FRAS1: variants seen among roughly 807,000 people sequenced by gnomAD.
The protein encoded by FRAS1 is extracellular matrix organizing protein FRAS1.
FRAS1 carries 290 observed loss-of-function variants against 435.2 expected under a neutral mutation model. The ratio of observed to expected loss-of-function variants is 0.67; its 90% confidence interval spans 0.61 to 0.73. The LOEUF (loss-of-function observed/expected upper bound fraction) is 0.73, where lower values mean the gene tolerates loss of function less well. Among genes scored for constraint, FRAS1 ranks in the 30% least tolerant of loss-of-function variants. FRAS1 has a pLI of 0.00. For synonymous variants in FRAS1, 1,800 were observed against 1,851.0 expected, an observed-to-expected ratio of 0.97 and a Z score of 0.71; for missense variants, 4,860 against 5,001.5, an observed-to-expected ratio of 0.97 and a Z score of 0.85.
intron 1 of FRAS1, among the ~76,000 whole-genome samples, chr4:78,058,672 G>C (rs1739592147): frequency 1.3e-5 from 2 of 152,118 alleles, no homozygotes; most frequent in South Asian, 4.1e-4. Flanking sequence ...CTGCTTCCCA[G>C]AACAAAAGTG....
At position 78,255,298 on chromosome 4, in the gene FRAS1, C is replaced by T. The variant is rs755497557; in HGVS notation, c.526C>T (p.Arg176Trp). The T allele has an allele frequency of 2.8e-5, 43 of 1,560,518 alleles. No individual in the cohort carries two copies. The highest frequency in any genetic ancestry group is 3.1e-5 in the Non-Finnish European group (36 of 1,151,648). ...GGATGGGGAGGACTGGCGGCTGAGC[C>T]GGTGTGCCAAATGTCTGTGTAGAAA... ...FQDGEDWRLS[R>W]CAKCLCRNGV... The change falls in exon 6 of 74, where the codon CGG becomes TGG. Residue 176 changes from arginine (R) to tryptophan (W), a missense_variant. Transcript: ENST00000512123.
At chr4:78,493,839 G>A (rs757729656) in intron 59 of FRAS1, among the ~76,000 whole-genome samples, 15 of 151,858 alleles carry the variant, frequency 9.9e-5, no homozygotes, top group African/African-American at 1.4e-4. Flanking sequence ...CACTAAACAT[G>A]GCTGCACCAG....
chr4:78,098,194 T>C (rs139079628), intron 2 of FRAS1, among the ~76,000 whole-genome samples: 15 of 152,190 alleles, frequency 9.9e-5, no homozygotes, highest in African/African-American at 3.6e-4. Flanking sequence ...TTTCCCCATG[T>C]CTCTCCTCCC....
At chr4:78,337,138 T>C (rs2110264973) in intron 19 of FRAS1, among the ~76,000 whole-genome samples, 1 of 152,356 alleles carries the variant, frequency 6.6e-6, no homozygotes, top group Non-Finnish European at 1.5e-5. Context: ...TAATTAAGTA[T>C]TGCTGATAAA....
In FRAS1 at chr4:78,166,749, C is replaced by T. The variant is rs150779088; in HGVS notation, c.109-70761C>T. ...TCCTGTGCCATACCTCCCAGCCTCT[C>T]TTGTGGTTAGATGTATCATTTGACC... On this transcript the variant is annotated intron_variant, in intron 2 of 73. Transcript: ENST00000512123. Among the ~76,000 whole-genome samples, 21 of 152,274 alleles carry T rather than the reference C, an allele frequency of 1.4e-4. No homozygotes were observed. The East Asian group carries it at 4.1e-3, about 29-fold the overall frequency.
chr4:78,335,951 G>T (rs1730155992), intron 19 of FRAS1, among the ~76,000 whole-genome samples: 1 of 141,690 alleles, frequency 7.1e-6, no homozygotes, highest in African/African-American at 2.6e-5. Context: ...ATTCTATCAT[G>T]ATTTCTCTTT....
chr4:78,086,298 C>T (rs1741161761), intron 2 of FRAS1, among the ~76,000 whole-genome samples: 1 of 152,178 alleles, frequency 6.6e-6, no homozygotes, highest in Non-Finnish European at 1.5e-5. Context: ...AAATTTATAG[C>T]ACTGAATGCC....
Position 78,252,473 on chromosome 4 carries a change from C to T in FRAS1, c.391C>T (p.Pro131Ser). The change falls in exon 5 of 74, where the codon CCA (proline) becomes TCA (serine). Residue 131 changes from proline (P) to serine (S), a missense_variant. Transcript: ENST00000512123. The part of the protein sequence containing the change: ...GEVRCTPQPC[P>S]PLSCGHQELA... ...AGTCCGATGTACCCCCCAACCATGC[C>T]CACCGCTGTCATGTGGACACCAGGA... 6.2e-7 allele frequency: 1 copy of T among 1,613,798 alleles called. No homozygotes were observed. Among genetic ancestry groups the T allele is most frequent in the Non-Finnish European group, 8.5e-7 (1 of 1,179,822 alleles).
At position 78,541,205 on chromosome 4, in the gene FRAS1, G is replaced by A; in HGVS notation, c.*81G>A. On this transcript the variant is annotated 3_prime_UTR_variant, in exon 74 of 74. Transcript: ENST00000512123. ...ATACTGGTATTTTTATAATCTCGCAGATAAAAAAGGGAAAACTATAGCTTT... is the reference window on the plus strand; with the variant it reads ...ATACTGGTATTTTTATAATCTCGCAAATAAAAAAGGGAAAACTATAGCTTT... 1 of 857,898 alleles carries A rather than the reference G, an allele frequency of 1.2e-6. No homozygotes were observed. Among genetic ancestry groups the A allele is most frequent in the Middle Eastern group, 2.9e-4 (1 of 3,430 alleles). 53.1% of individuals were successfully genotyped at this position (857,898 alleles called of 1,614,324 possible). A position where few individuals can be genotyped will look rare whatever the true frequency, so the allele number is the denominator to read the frequency against.
At chr4:78,257,291 C>T (rs973396339) in intron 6 of FRAS1, among the ~76,000 whole-genome samples, 11 of 152,128 alleles carry the variant, frequency 7.2e-5, no homozygotes, top group African/African-American at 2.4e-4. Flanking sequence ...TAATGAGTTA[C>T]ACATTTATAT....
At chr4:78,176,452 T>C (rs1207987225) in intron 2 of FRAS1, among the ~76,000 whole-genome samples, 1 of 152,234 alleles carries the variant, frequency 6.6e-6, no homozygotes, top group Non-Finnish European at 1.5e-5. Flanking sequence ...ATCAACTCAC[T>C]GTTCCTTTCA....
At chr4:78,133,139 G>C (rs1017948421) in intron 2 of FRAS1, among the ~76,000 whole-genome samples, 1 of 152,156 alleles carries the variant, frequency 6.6e-6, no homozygotes, top group African/African-American at 2.4e-5. Context: ...CAGATGAATG[G>C]ATACATAAAA....
chr4:78,280,918 T>C (rs1727302758), intron 10 of FRAS1, among the ~76,000 whole-genome samples: 1 of 152,218 alleles, frequency 6.6e-6, no homozygotes, highest in African/African-American at 2.4e-5. Context: ...TTAGTCATCC[T>C]CATTTCTTAA....
intron 45 of FRAS1, among the ~76,000 whole-genome samples, chr4:78,451,269 A>G (rs566236928): frequency 7.2e-4 from 109 of 152,198 alleles, no homozygotes; most frequent in African/African-American, 2.5e-3. Context: ...GATCCTTTTG[A>G]GTTCTATGTG....
At chr4:78,363,739 A>G in intron 21 of FRAS1, 74 bp downstream of exon 21, 1 of 1,498,556 alleles carries the variant, frequency 6.7e-7, no homozygotes, top group Non-Finnish European at 9.1e-7. Flanking sequence ...GGAAGGATCA[A>G]CCTTTCCTAA....
chr4:78,135,454 C>G (rs1719881251), intron 2 of FRAS1, among the ~76,000 whole-genome samples: 1 of 152,170 alleles, frequency 6.6e-6, no homozygotes, highest in South Asian at 2.1e-4. Flanking sequence ...CAGTTACAAA[C>G]TGATCTGCAG....
Position 78,105,978 on chromosome 4 carries a change from AG to A in FRAS1, c.108+39966del, listed in dbSNP as rs1742404322. The stretch of plus-strand genomic sequence containing the variant: ...GGAGTTCCCTTTCCGAGTCAAAGAA[AG>A]GGGTGACGGATGCACCTGGAAAATC... On this transcript the variant is annotated intron_variant, in intron 2 of 73. Coordinates refer to ENST00000512123, the MANE Select transcript of FRAS1 (RefSeq NM_025074.7). Among the ~76,000 whole-genome samples the A allele has an allele frequency of 2.2e-5, 3 of 134,742 alleles. 1 individual carries two copies. Among genetic ancestry groups the A allele is most frequent in the Non-Finnish European group, 4.8e-5 (3 of 62,454 alleles). 88.4% of individuals were successfully genotyped at this position (134,742 alleles called of 152,430 possible).
At chr4:78,355,374 T>C (rs1240408651) in intron 20 of FRAS1, among the ~76,000 whole-genome samples, 1 of 152,186 alleles carries the variant, frequency 6.6e-6, no homozygotes, top group Non-Finnish European at 1.5e-5. Flanking sequence ...CTCTCTTCTT[T>C]CCTTGTGACT....
Position 78,515,969 on chromosome 4 carries a change from G to A in FRAS1, c.10345G>A (p.Glu3449Lys). 1 of 1,613,916 alleles carries A rather than the reference G, an allele frequency of 6.2e-7. No individual in the cohort carries two copies. Among genetic ancestry groups the A allele is most frequent in the Non-Finnish European group, 8.5e-7 (1 of 1,179,858 alleles). The part of the protein sequence containing the change: ...WTFDAYYDMT[E>K]LIDVCGGSVT... ...CTTTGATGCTTATTATGACATGACTGAGCTGATTGACGTCTGTGGGGGCTC... is the reference window on the plus strand; with the variant it reads ...CTTTGATGCTTATTATGACATGACTAAGCTGATTGACGTCTGTGGGGGCTC... The change falls in exon 66 of 74, where the codon GAG becomes AAG. Residue 3449 changes from glutamate (E) to lysine (K), a missense_variant. Coordinates refer to ENST00000512123, the MANE Select transcript of FRAS1 (RefSeq NM_025074.7).
Sources: allele counts gnomAD v4.1 joint callset (sites outside exome capture counted in the v4.1 genomes callset), GRCh38; gene constraint gnomAD v4.1.1; transcripts MANE v1.5; gene names NCBI Gene and HGNC (gene_info 2026-07-23, HGNC 2026-07-21).